Variants in AMZ1 observed in about 807,000 individuals in gnomAD.
The protein encoded by AMZ1 is archaemetzincin-1.
A neutral mutation model predicts 29.9 loss-of-function variants in AMZ1; 39 were observed. The observed-to-expected ratio is 1.30, with a 90% CI of 1.01 to 1.70. The LOEUF (loss-of-function observed/expected upper bound fraction) is 1.70. Among genes scored for constraint, AMZ1 ranks in the 40% most tolerant of loss-of-function variants. The pLI is 0.00. For synonymous variants in AMZ1, 458 were observed against 304.0 expected (o/e 1.51, Z -5.27); for missense variants, 1,041 against 680.6 (o/e 1.53, Z -5.89).
chr7:2,762,500 T>C, upstream of AMZ1: 1 of 853,428 alleles, frequency 1.2e-6, no homozygotes, highest in Non-Finnish European at 1.7e-6. Context: ...GAGGTGTGAG[T>C]AGCCTAACTG....
chr7:2,763,550 C>T (rs1348325035), upstream of AMZ1, among the ~76,000 whole-genome samples: 1 of 152,220 alleles, frequency 6.6e-6, no homozygotes, highest in African/African-American at 2.4e-5. Context: ...TCTCAATTCT[C>T]AATGGTCCTG....
intron 2 of AMZ1, 56 bp from the exon 3 acceptor site, chr7:2,702,666 G>GA: frequency 6.8e-7 from 1 of 1,476,674 alleles, no homozygotes; most frequent in Non-Finnish European, 9.0e-7. Context: ...TTCCCGGGGA[G>GA]AGGGTCCCAG....
Position 2,709,311 on chromosome 7 carries a change from G to A in AMZ1, c.771+67G>A, listed in dbSNP as rs900829564. On this transcript the variant is annotated intron_variant, in intron 5 of 6. Coordinates refer to ENST00000683327, the MANE Select transcript of AMZ1 (RefSeq NM_001384743.1). ...TGCTGTCTGAGCCCTTGGTGCCTCG[G>A]TCTGTTACACTGCCCCATCCTCACA... The A allele has an allele frequency of 4.9e-6, 7 of 1,415,440 alleles. No individual in the cohort carries two copies. In the African/African-American group the frequency reaches 1.0e-4, roughly 20 times the overall value. The allele number at this position is 1,415,440 out of a possible 1,614,324, so 87.7% of individuals were successfully genotyped here.
chr7:2,733,358 C>T, intron 4 of AMZ1: 3 of 1,010,542 alleles, frequency 3.0e-6, no homozygotes, highest in Non-Finnish European at 4.6e-6. Flanking sequence ...CCTGTCAGTC[C>T]AGCCAAAGTC....
At chr7:2,732,362 C>T (rs929943515) in intron 4 of AMZ1, among the ~76,000 whole-genome samples, 1 of 152,108 alleles carries the variant, frequency 6.6e-6, no homozygotes, top group African/African-American at 2.4e-5. Flanking sequence ...GCCTGGGCAA[C>T]ATAGTAAAAC....
At chr7:2,690,907 G>A (rs62439532) in intron 1 of AMZ1, among the ~76,000 whole-genome samples, 2 of 152,042 alleles carry the variant, frequency 1.3e-5, no homozygotes, top group South Asian at 2.1e-4. Context: ...TTGGGAGGCC[G>A]AGGCAGGCAG....
At chr7:2,748,207 T>C (rs1182193936) in intron 4 of AMZ1, among the ~76,000 whole-genome samples, 6 of 150,814 alleles carry the variant, frequency 4.0e-5, no homozygotes, top group Non-Finnish European at 8.9e-5. Context: ...GCCAAGTCAA[T>C]CCTAAGCCAA....
At chr7:2,722,563 G>T (rs1248134396), downstream of AMZ1, among the ~76,000 whole-genome samples, 1 of 152,222 alleles carries the variant, frequency 6.6e-6, no homozygotes, top group East Asian at 1.9e-4. Flanking sequence ...GAGCCACCGT[G>T]CCCAGCCAGG....
intron 4 of AMZ1, among the ~76,000 whole-genome samples, chr7:2,733,693 A>T (rs1790015763): frequency 6.6e-6 from 1 of 152,228 alleles, no homozygotes; most frequent in Non-Finnish European, 1.5e-5. Flanking sequence ...TGTTTAATGC[A>T]GGTTCTTTAG....
upstream of AMZ1, chr7:2,762,703 G>C (rs1178251642): frequency 6.4e-7 from 1 of 1,570,356 alleles, no homozygotes; most frequent in East Asian, 2.4e-5. Flanking sequence ...CCGGGTGGAG[G>C]AGCGCCAGAG....
intron 1 of AMZ1, among the ~76,000 whole-genome samples, chr7:2,681,840 G>A (rs936579770): frequency 1.3e-5 from 2 of 152,174 alleles, no homozygotes; most frequent in Non-Finnish European, 2.9e-5. Flanking sequence ...AGAACCCCAA[G>A]AGACAGAGAC....
chr7:2,717,301 G>A lies in AMZ1; in HGVS notation c.*4423G>A, dbSNP rs1789184881. Among the ~76,000 whole-genome samples the A allele has an allele frequency of 6.6e-6, 1 of 152,170 alleles. No homozygotes were observed. Among genetic ancestry groups the A allele is most frequent in the South Asian group, 2.1e-4 (1 of 4,836 alleles). The stretch of plus-strand genomic sequence containing the variant: ...AAGACGGAGAGAATCAGGGCTTCGC[G>A]ACGGGGCTCATAGACCTGAACTGGG... On this transcript the variant is annotated 3_prime_UTR_variant, in exon 7 of 7. Coordinates refer to ENST00000683327, the MANE Select transcript of AMZ1 (RefSeq NM_001384743.1).
intron 4 of AMZ1, among the ~76,000 whole-genome samples, chr7:2,726,584 G>A (rs1036602311): frequency 3.3e-5 from 5 of 152,230 alleles, no homozygotes; most frequent in Admixed American, 2.6e-4. Context: ...TACAGTCGGA[G>A]CACACTGTGT....
intron 3 of AMZ1, among the ~76,000 whole-genome samples, chr7:2,703,553 C>T (rs1583164487): frequency 6.6e-6 from 1 of 152,084 alleles, no homozygotes; most frequent in South Asian, 2.1e-4. Flanking sequence ...CCCTGAGGGT[C>T]GCTGGTGACT....
At position 2,709,654 on chromosome 7, in the gene AMZ1, GCT is replaced by G; in HGVS notation, c.789_790del (p.Cys264ProfsTer91). 1 of 1,609,494 alleles carries G rather than the reference GCT, an allele frequency of 6.2e-7. No homozygotes were observed. Among genetic ancestry groups the G allele is most frequent in the African/African-American group, 1.3e-5 (1 of 74,940 alleles). On this transcript the variant is annotated frameshift_variant, in exon 6 of 7. Transcript: ENST00000683327. LOFTEE classifies it high-confidence loss of function. Reference protein sequence around the residue: ...VQCCKVTCHELCHLLGLGNCR... With the variant: ...VQCCKVTCHEXCHLLGLGNCR... ...CTTCCCCCCAGGTCACGTGCCACGA[GCT>G]CTGCCACCTTCTGGGCCTGGGGAAC...
chr7:2,731,950 G>A lies in AMZ1; in HGVS notation n.550+22134G>A, dbSNP rs745662042. 6.6e-6 allele frequency among the ~76,000 whole-genome samples: 1 copy of A among 152,144 alleles called. No individual in the cohort carries two copies. Among genetic ancestry groups the A allele is most frequent in the South Asian group, 2.1e-4 (1 of 4,830 alleles). ...AGAATCAAATACTTCATTTCAAAAC[G>A]AACGGAGGCTCACCAGTCTGAGGAC... On this transcript the variant is annotated intron_variant and non_coding_transcript_variant, in intron 4 of 4. Coordinates refer to the AMZ1 transcript ENST00000489665. This position sits in a 1 kb window ranked among gnomAD's most constrained non-coding sequence, Gnocchi z 6.0.
At chr7:2,696,064 C>A (rs1303599124) in intron 1 of AMZ1, among the ~76,000 whole-genome samples, 2 of 150,562 alleles carry the variant, frequency 1.3e-5, no homozygotes, top group East Asian at 2.0e-4. Context: ...AAAACAAAAT[C>A]TGTGTGTTCC....
At position 2,751,842 on chromosome 7, in the gene AMZ1, A is replaced by C. The variant is rs965244400; in HGVS notation, n.551-12870A>C. On this transcript the variant is annotated intron_variant and non_coding_transcript_variant, in intron 4 of 4. Coordinates refer to the AMZ1 transcript ENST00000489665. ...AAATAGAAAATTTGAACAGCCTTTA[A>C]AAGACTGGATTTGTTCTAAAACAAC... Among the ~76,000 whole-genome samples, 3 of 152,232 alleles carry C rather than the reference A, an allele frequency of 2.0e-5. No individual in the cohort carries two copies. In the South Asian group the frequency reaches 6.2e-4, roughly 31 times the overall value.
At chr7:2,739,706 G>C (rs147111835) in intron 4 of AMZ1, among the ~76,000 whole-genome samples, 6 of 152,072 alleles carry the variant, frequency 3.9e-5, no homozygotes, top group Admixed American at 2.6e-4. Flanking sequence ...ATGGAGTCTC[G>C]CCCCGTTGCT....
Sources: allele counts gnomAD v4.1 joint callset (sites outside exome capture counted in the v4.1 genomes callset), GRCh38; gene constraint gnomAD v4.1.1; non-coding constraint Gnocchi (gnomAD v3.1); transcripts MANE v1.5; gene names NCBI Gene and HGNC (gene_info 2026-07-23, HGNC 2026-07-21).